The following RBM5 variants were observed in gnomAD, a reference collection of about 807,000 sequenced individuals.
RBM5 encodes the protein RNA-binding protein 5.
Under a neutral mutation model 124.6 loss-of-function variants are expected in RBM5, and 15 were observed. The ratio of observed to expected loss-of-function variants is 0.12; its 90% confidence interval spans 0.08 to 0.19. The LOEUF (loss-of-function observed/expected upper bound fraction) is 0.19, where lower values mean the gene tolerates loss of function less well. Among genes scored for constraint, RBM5 ranks in the 10% least tolerant of loss-of-function variants. The pLI, the probability that RBM5 is intolerant of heterozygous loss-of-function variation, is 1.00. For missense variants in RBM5, 580 were observed against 1,026.5 expected, an observed-to-expected ratio of 0.57 and a Z score of 5.94; for synonymous variants, 337 against 361.2, an observed-to-expected ratio of 0.93 and a Z score of 0.76.
chr3:50,096,957 G>C (rs1361864737), intron 4 of RBM5, among the ~76,000 whole-genome samples: 1 of 152,146 alleles, frequency 6.6e-6, no homozygotes, highest in African/African-American at 2.4e-5. Flanking sequence ...GCAGGGAATA[G>C]AAAGGTACTG....
At chr3:50,103,274 G>T in intron 7 of RBM5, 108 bp downstream of exon 7, 1 of 902,572 alleles carries the variant, frequency 1.1e-6, no homozygotes, top group Non-Finnish European at 1.8e-6. Context: ...TCAATCATCA[G>T]TAATATTCAT....
chr3:50,091,966 C>A (rs2013208), intron 2 of RBM5, 77 bp from the exon 3 acceptor site: 1 of 1,431,348 alleles, frequency 7.0e-7, no homozygotes, highest in Non-Finnish European at 9.8e-7. Flanking sequence ...ATCTGTGGGC[C>A]GTGTGTATTT....
chr3:50,109,467 G>A, intron 14 of RBM5, 136 bp from the exon 15 acceptor site: 1 of 692,248 alleles, frequency 1.4e-6, no homozygotes, highest in South Asian at 1.7e-5. Context: ...AGATTCCAGG[G>A]TACTTAGTGG....
At chr3:50,110,900 C>A in intron 17 of RBM5, 130 bp downstream of exon 17, 7 of 683,960 alleles carry the variant, frequency 1.0e-5, no homozygotes, top group Non-Finnish European at 1.6e-5. Flanking sequence ...TTCAAAGCCA[C>A]CAAAATGTAA....
At chr3:50,099,145 C>T (rs2090887176) in intron 4 of RBM5, among the ~76,000 whole-genome samples, 1 of 151,804 alleles carries the variant, frequency 6.6e-6, no homozygotes, top group Admixed American at 6.6e-5. Context: ...GTCCCAGCTA[C>T]TTAGGAGGCT....
At chr3:50,110,595 C>T (rs2091126695) in intron 16 of RBM5, 84 bp from the exon 17 acceptor site, 1 of 1,432,022 alleles carries the variant, frequency 7.0e-7, no homozygotes, top group Admixed American at 1.7e-5. Flanking sequence ...AAACATTAGG[C>T]CTGCTGCATC....
Position 50,115,989 on chromosome 3 carries a change from G to A in RBM5, c.2094+9G>A, listed in dbSNP as rs771831252. 8.7e-6 allele frequency: 14 copies of A among 1,607,056 alleles called. No homozygotes were observed. In the South Asian group the frequency reaches 1.5e-4, roughly 18 times the overall value. ...AGCTAAGGGAGAGAGAGGTGAATGG[G>A]AAACTGTGCCACAAGGAAGAGGATA... On this transcript the variant is annotated intron_variant, in intron 22 of 24. Transcript: ENST00000347869.
chr3:50,114,747 T>A (rs558976466), intron 20 of RBM5: 4 of 155,858 alleles, frequency 2.6e-5, no homozygotes, highest in African/African-American at 9.6e-5. Context: ...CTTGGGATGC[T>A]AAGGTAAGAG....
intron 20 of RBM5, 183 bp downstream of exon 20, chr3:50,114,434 T>A (rs1293531821): frequency 1.8e-6 from 1 of 565,802 alleles, no homozygotes; most frequent in Non-Finnish European, 3.0e-6. Context: ...TGAGAGCAGA[T>A]GAGATGGAGT....
intron 17 of RBM5, among the ~76,000 whole-genome samples, chr3:50,111,627 A>C (rs1559694334): frequency 6.6e-6 from 1 of 152,068 alleles, no homozygotes; most frequent in African/African-American, 2.4e-5. Context: ...CACCCGCCTC[A>C]GCCTCCAAAG....
In RBM5 at chr3:50,100,207, G is replaced by A; in HGVS notation, c.409+156G>A. The A allele has an allele frequency of 1.4e-6, 1 of 716,358 alleles. No individual in the cohort carries two copies. The highest frequency in any genetic ancestry group is 2.3e-5 in the South Asian group (1 of 42,834). The allele number at this position is 716,358 out of a possible 1,614,324, so 44.4% of individuals were successfully genotyped here. A position where few individuals can be genotyped will look rare whatever the true frequency, so the allele number is the denominator to read the frequency against. On this transcript the variant is annotated intron_variant, in intron 5 of 24. Transcript: ENST00000347869. The surrounding 1 kb of genome is among the most constrained non-coding windows in gnomAD (Gnocchi z 5.1). ...ATGTGACTCTTTGAAAACCATGTTA[G>A]CATCTGAGGAACTTTTTTAAACTTT...
intron 17 of RBM5, among the ~76,000 whole-genome samples, chr3:50,111,558 C>T (rs997401622): frequency 3.9e-5 from 6 of 151,974 alleles, no homozygotes; most frequent in East Asian, 3.9e-4. Flanking sequence ...TTTTTGTAGT[C>T]GAGACAGGGT....
chr3:50,105,037 ATTAG>A, intron 8 of RBM5, 36 bp from the exon 9 acceptor site: 1 of 1,380,116 alleles, frequency 7.2e-7, no homozygotes, highest in African/African-American at 1.4e-5. Flanking sequence ...GTGAAAATAC[ATTAG>A]TTGTTTGTCT....
intron 17 of RBM5, chr3:50,112,653 G>A (rs2091169521): frequency 6.6e-6 from 1 of 152,158 alleles, no homozygotes; most frequent in South Asian, 2.1e-4. Context: ...GTGGTTGCCT[G>A]GTATCCAATG....
chr3:50,091,915 C>CT, intron 2 of RBM5, 128 bp from the exon 3 acceptor site: 1 of 973,564 alleles, frequency 1.0e-6, no homozygotes, highest in Non-Finnish European at 1.5e-6. Context: ...TTTGGTAATA[C>CT]TTTTTAACAC....
intron 21 of RBM5, 81 bp downstream of exon 21, chr3:50,115,688 C>A: frequency 6.8e-7 from 1 of 1,463,444 alleles, no homozygotes; most frequent in South Asian, 1.3e-5. Flanking sequence ...CCTGACGGTT[C>A]CAAAAATACC....
chr3:50,110,600 T>C, intron 16 of RBM5, 79 bp from the exon 17 acceptor site: 1 of 1,449,672 alleles, frequency 6.9e-7, no homozygotes, highest in African/African-American at 1.4e-5. Flanking sequence ...TTAGGCCTGC[T>C]GCATCTCACT....
intron 6 of RBM5, 98 bp from the exon 7 acceptor site, chr3:50,102,985 A>G (rs983328286): frequency 2.1e-6 from 2 of 951,292 alleles, no homozygotes; most frequent in African/African-American, 3.3e-5. Context: ...TTGTCCATTT[A>G]ATTCCAGAGC....
rs549534154 is a variant in RBM5, at chr3:50,118,680, G to A, written c.*224G>A. ...CCGCCAGAGGGCTTGTGAACAGACC[G>A]GAGAGGACAGTGGATTGTTTATACT... On this transcript the variant is annotated 3_prime_UTR_variant, in exon 25 of 25. Transcript: ENST00000347869. 2.7e-5 allele frequency: 17 copies of A among 623,600 alleles called. No homozygotes were observed. The East Asian group carries it at 3.2e-4, about 12-fold the overall frequency. 38.6% of individuals were successfully genotyped at this position (623,600 alleles called of 1,614,324 possible). A position where few individuals can be genotyped will look rare whatever the true frequency, so the allele number is the denominator to read the frequency against.
Sources: allele counts gnomAD v4.1 joint callset (sites outside exome capture counted in the v4.1 genomes callset), GRCh38; gene constraint gnomAD v4.1.1; non-coding constraint Gnocchi (gnomAD v3.1); transcripts MANE v1.5; gene names NCBI Gene and HGNC (gene_info 2026-07-23, HGNC 2026-07-21).